ANKRD45: variants seen among roughly 807,000 people sequenced by gnomAD.
ANKRD45 encodes ankyrin repeat domain 45.
A neutral mutation model predicts 28.1 loss-of-function variants in ANKRD45; 21 were observed. That is an observed-to-expected ratio of 0.75 (90% CI 0.53 to 1.08). The LOEUF (loss-of-function observed/expected upper bound fraction) is 1.08. Ranked by LOEUF, ANKRD45 falls within the 50% of genes least tolerant of loss-of-function variation. The pLI is 0.00. For missense variants in ANKRD45, 261 were observed against 308.7 expected (o/e 0.85, Z 1.16); for synonymous variants, 86 against 103.9 (o/e 0.83, Z 1.05).
intron 5 of ANKRD45, among the ~76,000 whole-genome samples, chr1:173,611,813 T>C (rs2102305823): frequency 6.6e-6 from 1 of 152,272 alleles, no homozygotes; most frequent in Non-Finnish European, 1.5e-5. Context: ...AAGTTTTTTG[T>C]GTTCCAAAAC....
At chr1:173,673,982 G>A (rs892973354), upstream of ANKRD45, among the ~76,000 whole-genome samples, 5 of 152,066 alleles carry the variant, frequency 3.3e-5, no homozygotes, top group African/African-American at 1.2e-4. Context: ...TTTCTGGTTA[G>A]TGAACTCCCA....
At chr1:173,673,445 C>T (rs746589273), upstream of ANKRD45, among the ~76,000 whole-genome samples, 2 of 151,920 alleles carry the variant, frequency 1.3e-5, no homozygotes, top group African/African-American at 2.4e-5. Flanking sequence ...GAGTCATGTC[C>T]GTTGTACAAT....
chr1:173,695,344 G>T, the ANKRD45 span, among the ~76,000 whole-genome samples: 1 of 152,040 alleles, frequency 6.6e-6, no homozygotes, highest in Non-Finnish European at 1.5e-5. Context: ...TTCAGCCCTT[G>T]CTCCCATCCC....
the ANKRD45 span, among the ~76,000 whole-genome samples, chr1:173,702,763 C>T: frequency 6.8e-5 from 10 of 147,312 alleles, no homozygotes; most frequent in Non-Finnish European, 1.5e-4. Flanking sequence ...ACTTTCTTGC[C>T]GAGGCTGAAA....
the ANKRD45 span, among the ~76,000 whole-genome samples, chr1:173,688,435 T>TCTCTCTGCCTCTTCCTCTAC: frequency 6.8e-6 from 1 of 146,514 alleles, no homozygotes; most frequent in African/African-American, 2.5e-5. Flanking sequence ...TCTTCCTCTC[T>TCTCTCTGCCTCTTCCTCTAC]CTCTCTGCCT....
chr1:173,697,848 C>G, the ANKRD45 span, among the ~76,000 whole-genome samples: 2 of 151,938 alleles, frequency 1.3e-5, no homozygotes, highest in African/African-American at 4.8e-5. Flanking sequence ...GCTAAATGCC[C>G]CAATTAAAAG....
rs1204298961 is a variant in ANKRD45 at position 173,658,860 on chromosome 1, G to C, written c.328+231C>G. On this transcript the variant is annotated intron_variant, in intron 2 of 5. Transcript: ENST00000333279. ...GATACACAAAAAGATCAGGTAACTT[G>C]CCAAGTCACACAGCTAATAAATAGT... 3 of 509,212 alleles carry C rather than the reference G, an allele frequency of 5.9e-6. No individual in the cohort carries two copies. In the African/African-American group the frequency reaches 5.9e-5, roughly 10 times the overall value. 31.5% of individuals were successfully genotyped at this position (509,212 alleles called of 1,614,324 possible). A position where few individuals can be genotyped will look rare whatever the true frequency, so the allele number is the denominator to read the frequency against.
At chr1:173,615,903 A>G (rs907974701) in intron 5 of ANKRD45, among the ~76,000 whole-genome samples, 1 of 152,146 alleles carries the variant, frequency 6.6e-6, no homozygotes, top group African/African-American at 2.4e-5. Flanking sequence ...AGAGATCAAG[A>G]CCATCCTGGC....
At chr1:173,715,177 G>T in the ANKRD45 span, 1 of 152,400 alleles carries the variant, frequency 6.6e-6, no homozygotes, top group South Asian at 2.1e-4. Flanking sequence ...GCCCCATGGG[G>T]TCAGGTCGGT....
chr1:173,632,990 T>C (rs1021498179), intron 3 of ANKRD45, among the ~76,000 whole-genome samples: 2 of 151,850 alleles, frequency 1.3e-5, no homozygotes, highest in Non-Finnish European at 2.9e-5. Flanking sequence ...GTGTTGGAAG[T>C]CTTACCTAGA....
the ANKRD45 span, among the ~76,000 whole-genome samples, chr1:173,685,104 A>G: frequency 1.3e-5 from 2 of 152,188 alleles, no homozygotes; most frequent in Non-Finnish European, 2.9e-5. Context: ...GGGATAGCCA[A>G]TTGGACTAAA....
At chr1:173,617,183 C>T (rs1387485105) in intron 5 of ANKRD45, among the ~76,000 whole-genome samples, 2 of 152,146 alleles carry the variant, frequency 1.3e-5, no homozygotes, top group South Asian at 2.1e-4. Flanking sequence ...GTTTTACATA[C>T]TCTGGCCCCA....
chr1:173,634,780 T>C (rs370030311), intron 3 of ANKRD45, among the ~76,000 whole-genome samples: 1 of 151,934 alleles, frequency 6.6e-6, no homozygotes, highest in Non-Finnish European at 1.5e-5. Context: ...TACCTCTAGA[T>C]TGTACACTCC....
At chr1:173,675,325 A>C in the ANKRD45 span, 1 of 353,964 alleles carries the variant, frequency 2.8e-6, no homozygotes, top group Non-Finnish European at 5.5e-6. Context: ...GAAAAATTAG[A>C]ATTCAGGCCA....
the ANKRD45 span, among the ~76,000 whole-genome samples, chr1:173,686,325 T>A: frequency 6.6e-6 from 1 of 152,196 alleles, no homozygotes; most frequent in Non-Finnish European, 1.5e-5. Context: ...TAAAGTTAAA[T>A]TTTTCTTAGC....
At chr1:173,618,869 T>C (rs1302267951) in intron 5 of ANKRD45, among the ~76,000 whole-genome samples, 1 of 151,890 alleles carries the variant, frequency 6.6e-6, no homozygotes, top group East Asian at 1.9e-4. Flanking sequence ...AAAGAAAAAA[T>C]GTTAAAAGTG....
At chr1:173,705,037 T>C in the ANKRD45 span, among the ~76,000 whole-genome samples, 1 of 152,232 alleles carries the variant, frequency 6.6e-6, no homozygotes, top group Admixed American at 6.5e-5. Context: ...GAATGCAGGC[T>C]GTCCCAGAGA....
chr1:173,637,462 C>A (rs922884057), intron 3 of ANKRD45, among the ~76,000 whole-genome samples: 1 of 152,222 alleles, frequency 6.6e-6, no homozygotes, highest in Non-Finnish European at 1.5e-5. Context: ...TGAATAGGTC[C>A]AAGCAAGCAT....
At chr1:173,687,349 C>A in the ANKRD45 span, among the ~76,000 whole-genome samples, 1 of 151,804 alleles carries the variant, frequency 6.6e-6, no homozygotes, top group Non-Finnish European at 1.5e-5. Context: ...CTTTGACACG[C>A]CTCAACTTTC....
Sources: allele counts gnomAD v4.1 joint callset (sites outside exome capture counted in the v4.1 genomes callset), GRCh38; gene constraint gnomAD v4.1.1; transcripts MANE v1.5; gene names NCBI Gene and HGNC (gene_info 2026-07-23, HGNC 2026-07-21).